Variants in EREG observed in about 807,000 individuals in gnomAD.
EREG encodes epiregulin.
Under a neutral mutation model 22.4 loss-of-function variants are expected in EREG, and 23 were observed. The observed-to-expected ratio is 1.03, with a 90% CI of 0.74 to 1.46. The LOEUF (loss-of-function observed/expected upper bound fraction) is 1.46, where lower values mean the gene tolerates loss of function less well. Among genes scored for constraint, EREG ranks in the 40% most tolerant of loss-of-function variants. EREG has a pLI of 0.00. For synonymous variants in EREG, 100 were observed against 75.4 expected (o/e 1.33, Z -1.69); for missense variants, 226 against 205.9 (o/e 1.10, Z -0.60).
chr4:74,380,810 G>T (rs1467142854), intron 2 of EREG, among the ~76,000 whole-genome samples: 2 of 152,100 alleles, frequency 1.3e-5, no homozygotes, highest in Non-Finnish European at 2.9e-5. Context: ...TAGTCTGTTG[G>T]ACATTTTCCT....
At position 74,379,428 on chromosome 4, in the gene EREG, C is replaced by T. The variant is rs548719774; in HGVS notation, c.68-20C>T. On this transcript the variant is annotated intron_variant, in intron 1 of 4. Transcript: ENST00000244869. Reference sequence around the variant, plus strand: ...TTCCTTAACACATTAGTTATATATTCGATTTTTCTTCATAAATAGGTTTCC... The same window carrying T: ...TTCCTTAACACATTAGTTATATATTTGATTTTTCTTCATAAATAGGTTTCC... 35 of 1,443,494 alleles carry T rather than the reference C, an allele frequency of 2.4e-5. No homozygotes were observed. Among genetic ancestry groups the T allele is most frequent in the South Asian group, 9.2e-5 (8 of 87,202 alleles). 89.4% of individuals were successfully genotyped at this position (1,443,494 alleles called of 1,614,324 possible). A position where few individuals can be genotyped will look rare whatever the true frequency, so the allele number is the denominator to read the frequency against.
At chr4:74,376,760 A>T (rs750345172) in intron 1 of EREG, among the ~76,000 whole-genome samples, 3 of 152,214 alleles carry the variant, frequency 2.0e-5, no homozygotes, top group Non-Finnish European at 4.4e-5. Context: ...TGATTTCAAA[A>T]GATAAATTTG....
chr4:74,382,441 A>G, intron 3 of EREG: 1 of 455,872 alleles, frequency 2.2e-6, no homozygotes, highest in Non-Finnish European at 3.9e-6. Flanking sequence ...CCGTCATTTT[A>G]ATACTACAAT....
chr4:74,383,541 T>C (rs1253584172), intron 4 of EREG, among the ~76,000 whole-genome samples: 2 of 152,130 alleles, frequency 1.3e-5, no homozygotes, highest in African/African-American at 2.4e-5. Flanking sequence ...ACATTGAAAG[T>C]ATAGTTTGGC....
chr4:74,366,631 A>G (rs893565693), intron 1 of EREG, among the ~76,000 whole-genome samples: 1 of 152,076 alleles, frequency 6.6e-6, no homozygotes, highest in African/African-American at 2.4e-5. Context: ...AGCACTTATT[A>G]TTTTCCCCAC....
rs1017732 is a variant in EREG at position 74,386,462 on chromosome 4, A to C, written c.*1654A>C. ...CAAAAACAAGTAAATATATATGGTCATATACATATTGTATATATATTCATA... is the reference window on the plus strand; with the variant it reads ...CAAAAACAAGTAAATATATATGGTCCTATACATATTGTATATATATTCATA... On this transcript the variant is annotated 3_prime_UTR_variant, in exon 5 of 5. Transcript: ENST00000244869. The C allele has an allele frequency of 0.81, 122,842 of 152,216 alleles. 49,711 individuals carry two copies. Among genetic ancestry groups the C allele is most frequent in the Admixed American group, 0.84 (12,838 of 15,290 alleles). The allele number at this position is 152,216 out of a possible 1,614,324, so 9.4% of individuals were successfully genotyped here.
At chr4:74,373,453 C>T (rs572520275) in intron 1 of EREG, among the ~76,000 whole-genome samples, 2 of 151,412 alleles carry the variant, frequency 1.3e-5, no homozygotes, top group African/African-American at 4.8e-5. Flanking sequence ...TTATATTAAC[C>T]TTGGGTTTCA....
chr4:74,369,839 C>T (rs538768113), intron 1 of EREG, among the ~76,000 whole-genome samples: 1 of 151,710 alleles, frequency 6.6e-6, no homozygotes, highest in African/African-American at 2.4e-5. Context: ...AAAAGGTTGT[C>T]CACAATAACC....
rs149263702 is a variant in EREG, at chr4:74,384,511, T to C, written c.429-216T>C. On this transcript the variant is annotated intron_variant, in intron 4 of 4. Transcript: ENST00000244869. ...TAAAGACTTTGAGAAACTCTTTAAGTGTATTTTATCATTTCATTCCAAAAT... is the reference window on the plus strand; with the variant it reads ...TAAAGACTTTGAGAAACTCTTTAAGCGTATTTTATCATTTCATTCCAAAAT... 2.0e-4 allele frequency among the ~76,000 whole-genome samples: 31 copies of C among 152,192 alleles called. No homozygotes were observed. The East Asian group carries it at 5.0e-3, about 25-fold the overall frequency.
rs550759723 is a variant in EREG, at chr4:74,387,646, G to A, written c.*2838G>A. On this transcript the variant is annotated 3_prime_UTR_variant, in exon 5 of 5. Transcript: ENST00000244869. The stretch of plus-strand genomic sequence containing the variant: ...CATAAAAACTGATTTGCTCTCAGCT[G>A]ATGTGTCCTGTACACAGTGGGAAGA... The A allele has an allele frequency of 6.6e-6, 1 of 152,246 alleles. No individual in the cohort carries two copies. The highest frequency in any genetic ancestry group is 2.4e-5 in the African/African-American group (1 of 41,548). The allele number at this position is 152,246 out of a possible 1,614,324, so 9.4% of individuals were successfully genotyped here. A position where few individuals can be genotyped will look rare whatever the true frequency, so the allele number is the denominator to read the frequency against.
intron 1 of EREG, among the ~76,000 whole-genome samples, chr4:74,372,400 A>G (rs912102782): frequency 6.6e-6 from 1 of 152,228 alleles, no homozygotes; most frequent in Admixed American, 6.5e-5. Context: ...GTTTGGCCAT[A>G]GGCATCTACA....
At chr4:74,379,306 A>T in intron 1 of EREG, 142 bp from the exon 2 acceptor site, 1 of 549,762 alleles carries the variant, frequency 1.8e-6, no homozygotes, top group Non-Finnish European at 3.3e-6. Flanking sequence ...GCCTGTTTCC[A>T]TGAATTATTT....
At chr4:74,371,286 TG>T (rs1752285900) in intron 1 of EREG, among the ~76,000 whole-genome samples, 1 of 152,188 alleles carries the variant, frequency 6.6e-6, no homozygotes, top group South Asian at 2.1e-4. Context: ...TTAATTTTAA[TG>T]ATAATCTGGA....
At chr4:74,369,807 T>A (rs1563826) in intron 1 of EREG, among the ~76,000 whole-genome samples, 104,115 of 151,692 alleles carry the variant, frequency 0.69, 37,185 homozygotes, top group Non-Finnish European at 0.78. Context: ...TCTCTGAGCC[T>A]CAGTTTTCTC....
chr4:74,381,317 C>T lies in EREG; in HGVS notation c.278+180C>T, dbSNP rs1478326057. The T allele has an allele frequency of 3.0e-5, 16 of 530,884 alleles. No homozygotes were observed. The Admixed American group carries it at 3.2e-4, about 10-fold the overall frequency. The allele number at this position is 530,884 out of a possible 1,614,324, so 32.9% of individuals were successfully genotyped here. On this transcript the variant is annotated intron_variant, in intron 3 of 4. Transcript: ENST00000244869. ...GGTAATTTTTCATCCCTTAACCCCC[C>T]CAAAACTCTTCTACCTTTTGAAGTC... is the stretch of plus-strand genomic sequence containing the variant.
chr4:74,369,891 C>T (rs1034745658), intron 1 of EREG, among the ~76,000 whole-genome samples: 1 of 151,588 alleles, frequency 6.6e-6, no homozygotes, highest in African/African-American at 2.4e-5. Context: ...TAAGATGATA[C>T]ATGAATTCAT....
chr4:74,386,770 A>G lies in EREG; in HGVS notation c.*1962A>G, dbSNP rs923850371. On this transcript the variant is annotated 3_prime_UTR_variant, in exon 5 of 5. Transcript: ENST00000244869. ...AAAAATAATACAACAACAACAAAAA[A>G]TACATTATAACAACTATTTACTTTT... 1 of 151,944 alleles carries G rather than the reference A, an allele frequency of 6.6e-6. No homozygotes were observed. 9.4% of individuals were successfully genotyped at this position (151,944 alleles called of 1,614,324 possible).
In EREG at chr4:74,384,801, A is replaced by G. The variant is rs1270314942; in HGVS notation, c.503A>G (p.Gln168Arg). The change falls in exon 5 of 5, where the codon CAA becomes CGA. Residue 168 changes from glutamine (Q) to arginine (R), a missense_variant. Physicochemically the swap from Gln to Arg is conservative, Grantham distance 43. Transcript: ENST00000244869. ...ACCTCAGGGGATCCAGAGTTGCCGCAAGTCTGAATGGCGCCATCAAACTTA... is the reference window on the plus strand; with the variant it reads ...ACCTCAGGGGATCCAGAGTTGCCGCGAGTCTGAATGGCGCCATCAAACTTA... ...RVTSGDPELPQV is the reference protein window; with the variant it reads ...RVTSGDPELPRV 17 of 1,609,230 alleles carry G rather than the reference A, an allele frequency of 1.1e-5. No individual in the cohort carries two copies. The highest frequency in any genetic ancestry group is 1.3e-5 in the Non-Finnish European group (15 of 1,175,968).
chr4:74,365,399 CG>C, intron 1 of EREG, 24 bp downstream of exon 1: 1 of 1,609,878 alleles, frequency 6.2e-7, no homozygotes, highest in Non-Finnish European at 8.5e-7. Flanking sequence ...CTCTGGCTTC[CG>C]GCCGCCCCAA....
Sources: gnomAD v4.1 joint callset for allele counts (sites outside exome capture counted in the v4.1 genomes callset) on GRCh38, gnomAD v4.1.1 for gene constraint, MANE v1.5 for transcripts, NCBI Gene and HGNC (gene_info 2026-07-23, HGNC 2026-07-21) for gene names.